The following WNT5A variants were observed in gnomAD, a reference collection of about 807,000 sequenced individuals.
The protein encoded by WNT5A is Wnt family member 5A.
A neutral mutation model predicts 42.1 loss-of-function variants in WNT5A; 9 were observed. The ratio of observed to expected loss-of-function variants is 0.21; its 90% CI spans 0.13 to 0.37. The LOEUF (loss-of-function observed/expected upper bound fraction) is 0.37, where lower values mean the gene tolerates loss of function less well. WNT5A is among the 10% of genes least tolerant of loss of function. The pLI, the probability that WNT5A is intolerant of heterozygous loss-of-function variation, is 1.00. For synonymous variants in WNT5A, 210 were observed against 210.0 expected (o/e 1.00, Z 0.00); for missense variants, 426 against 534.0 (o/e 0.80, Z 1.99).
intron 4 of WNT5A, among the ~76,000 whole-genome samples, chr3:55,472,283 C>T (rs1016894671): frequency 1.3e-5 from 2 of 152,190 alleles, no homozygotes; most frequent in African/African-American, 4.8e-5. Context: ...AATCCCTTGA[C>T]CCGCTCTTCT....
chr3:55,483,324 C>A lies in WNT5A; in HGVS notation c.7-2406G>T, dbSNP rs768025417. On this transcript the variant is annotated intron_variant, in intron 1 of 4. Transcript: ENST00000264634. This position sits in a 1 kb window ranked among gnomAD's most constrained non-coding sequence, Gnocchi z 4.2. ...AACCCCGCCGCTTGCCCGGAAACAC[C>A]TTGGCCCTCTTCCCTCTTCAATCCC... Among the ~76,000 whole-genome samples, 1 of 152,166 alleles carries A rather than the reference C, an allele frequency of 6.6e-6. No homozygotes were observed. Among genetic ancestry groups the A allele is most frequent in the Non-Finnish European group, 1.5e-5 (1 of 68,036 alleles).
the WNT5A span, among the ~76,000 whole-genome samples, chr3:55,503,170 C>A: frequency 1.3e-5 from 2 of 152,138 alleles, no homozygotes; most frequent in African/African-American, 2.4e-5. Flanking sequence ...CAAGGAAAAC[C>A]CTGACGTGGC....
the WNT5A span, among the ~76,000 whole-genome samples, chr3:55,496,819 A>G: frequency 1.3e-5 from 2 of 152,242 alleles, no homozygotes; most frequent in African/African-American, 4.8e-5. Flanking sequence ...AATAAAAGCA[A>G]ATCATAAATT....
intron 3 of WNT5A, among the ~76,000 whole-genome samples, chr3:55,474,934 G>T (rs1480867899): frequency 6.9e-6 from 1 of 145,168 alleles, no homozygotes; most frequent in Admixed American, 6.8e-5. Flanking sequence ...GTAGGAGATG[G>T]GGGGGTAGGG....
chr3:55,486,938 G>A, intron 1 of WNT5A, 42 bp downstream of exon 1: 2 of 1,533,650 alleles, frequency 1.3e-6, no homozygotes, highest in Admixed American at 1.7e-5. Flanking sequence ...CAGGGGGTGG[G>A]GGGAAGTAAA....
chr3:55,487,311 G>C (rs1305340528), upstream of WNT5A: 3 of 392,954 alleles, frequency 7.6e-6, no homozygotes, highest in Non-Finnish European at 1.3e-5. Flanking sequence ...ACTGTTCCAC[G>C]GAGAGGCGCT....
chr3:55,471,207 C>G (rs1021359899), intron 4 of WNT5A, among the ~76,000 whole-genome samples: 1 of 152,132 alleles, frequency 6.6e-6, no homozygotes, highest in African/African-American at 2.4e-5. Context: ...TTTAACCATC[C>G]CAGCAACATT....
rs2051594340 is a variant in WNT5A, at chr3:55,487,143, A to C, written c.-158T>G. The stretch of plus-strand genomic sequence containing the variant: ...GGCGGGCGCAGTGAACCGGAGCTGA[A>C]GCGGGCACTGGCGCCCGGGCCTGGA... On this transcript the variant is annotated 5_prime_UTR_variant, in exon 1 of 5. Transcript: ENST00000264634. 1.6e-6 allele frequency: 1 copy of C among 636,204 alleles called. No individual in the cohort carries two copies. 39.4% of individuals were successfully genotyped at this position (636,204 alleles called of 1,614,324 possible).
At chr3:55,485,179 G>A (rs2051553080) in intron 1 of WNT5A, among the ~76,000 whole-genome samples, 1 of 152,074 alleles carries the variant, frequency 6.6e-6, no homozygotes, top group Non-Finnish European at 1.5e-5. Context: ...AAGGGAGCAG[G>A]GGTGGGAGGG....
upstream of WNT5A, among the ~76,000 whole-genome samples, chr3:55,491,019 T>C (rs2051652852): frequency 6.6e-6 from 1 of 152,206 alleles, no homozygotes; most frequent in Non-Finnish European, 1.5e-5. Flanking sequence ...GGACCTCATC[T>C]GCGGTTTTCA....
Position 55,487,036 on chromosome 3 carries a change from C to G in WNT5A, c.-51G>C. On this transcript the variant is annotated 5_prime_UTR_variant, in exon 1 of 5. Transcript: ENST00000264634. ...GAAGTCGCCACCCGAGCGAGCGCAGCCGAGGAATCCGAGCGGAGCGACCGG... is the reference window on the plus strand; with the variant it reads ...GAAGTCGCCACCCGAGCGAGCGCAGGCGAGGAATCCGAGCGGAGCGACCGG... The G allele has an allele frequency of 1.3e-6, 2 of 1,593,816 alleles. No individual in the cohort carries two copies. The highest frequency in any genetic ancestry group is 3.5e-4 in the Middle Eastern group (2 of 5,778).
Position 55,474,319 on chromosome 3 carries a change from G to T in WNT5A, c.684+18C>A, listed in dbSNP as rs1264331427. 9.9e-6 allele frequency: 16 copies of T among 1,612,310 alleles called. No homozygotes were observed. The Admixed American group carries it at 2.7e-4, about 27-fold the overall frequency. ...GAGAAGACAGAGATGCGGGGCGGGG[G>T]CGAGACGCGGCACTCACCCTGCGGC... is the stretch of plus-strand genomic sequence containing the variant. On this transcript the variant is annotated intron_variant, in intron 4 of 4. Transcript: ENST00000264634.
the WNT5A span, among the ~76,000 whole-genome samples, chr3:55,501,219 C>G: frequency 1.6e-4 from 25 of 152,178 alleles, no homozygotes; most frequent in Non-Finnish European, 2.8e-4. Context: ...CAGTTATATG[C>G]CCTCCTCCTT....
chr3:55,470,845 C>A (rs1218205930), intron 4 of WNT5A, among the ~76,000 whole-genome samples: 1 of 152,094 alleles, frequency 6.6e-6, no homozygotes, highest in Non-Finnish European at 1.5e-5. Context: ...GAAAGAGCAG[C>A]AGCAACATGT....
chr3:55,469,213 C>A lies in WNT5A; in HGVS notation c.*879G>T, dbSNP rs191394441. 1.3e-5 allele frequency: 2 copies of A among 152,252 alleles called. No individual in the cohort carries two copies. Among genetic ancestry groups the A allele is most frequent in the Admixed American group, 1.3e-4 (2 of 15,304 alleles). 9.4% of individuals were successfully genotyped at this position (152,252 alleles called of 1,614,324 possible). A position where few individuals can be genotyped will look rare whatever the true frequency, so the allele number is the denominator to read the frequency against. On this transcript the variant is annotated 3_prime_UTR_variant, in exon 5 of 5. Coordinates refer to ENST00000264634, the MANE Select transcript of WNT5A (RefSeq NM_003392.7). ...TATTTTTACTATTATAATTTACTAA[C>A]CAAGTATCCCTAAGAAAATAACAGG... is the stretch of plus-strand genomic sequence containing the variant.
rs951109767 is a variant in WNT5A, at chr3:55,466,667, C to T, written c.*3425G>A. 2 of 152,410 alleles carry T rather than the reference C, an allele frequency of 1.3e-5. No individual in the cohort carries two copies. Among genetic ancestry groups the T allele is most frequent in the African/African-American group, 4.8e-5 (2 of 41,374 alleles). 9.4% of individuals were successfully genotyped at this position (152,410 alleles called of 1,614,324 possible). A position where few individuals can be genotyped will look rare whatever the true frequency, so the allele number is the denominator to read the frequency against. On this transcript the variant is annotated 3_prime_UTR_variant, in exon 5 of 5. Transcript: ENST00000264634. ...TATATATAAATTTTTTATTAATTTTCTTGTATTGGGAAGATCTTGAATACG... is the reference window on the plus strand; with the variant it reads ...TATATATAAATTTTTTATTAATTTTTTTGTATTGGGAAGATCTTGAATACG...
intron 4 of WNT5A, among the ~76,000 whole-genome samples, chr3:55,471,628 G>A (rs1245966001): frequency 6.6e-6 from 1 of 152,268 alleles, no homozygotes; most frequent in Non-Finnish European, 1.5e-5. Context: ...TCTCCAGAGT[G>A]ACGAGGACAC....
At chr3:55,494,024 G>C (rs560852123), upstream of WNT5A, 4 of 152,198 alleles carry the variant, frequency 2.6e-5, no homozygotes, top group Non-Finnish European at 4.4e-5. Context: ...TTTCCATTGC[G>C]TATTCTATGT....
intron 1 of WNT5A, among the ~76,000 whole-genome samples, chr3:55,484,473 A>G (rs1479039598): frequency 6.6e-6 from 1 of 152,166 alleles, no homozygotes; most frequent in African/African-American, 2.4e-5. Flanking sequence ...GGAGCGGGGT[A>G]GGGGAGGAGG....
Sources: allele counts gnomAD v4.1 joint callset (sites outside exome capture counted in the v4.1 genomes callset), GRCh38; gene constraint gnomAD v4.1.1; non-coding constraint Gnocchi (gnomAD v3.1); transcripts MANE v1.5; gene names NCBI Gene and HGNC (gene_info 2026-07-23, HGNC 2026-07-21).